The following DPP6 variants were observed in gnomAD, a reference collection of about 807,000 sequenced individuals.
DPP6 encodes A-type potassium channel modulatory protein DPP6.
In DPP6, 69 loss-of-function variants were observed where a neutral mutation model predicts 122.6. The ratio of observed to expected loss-of-function variants is 0.56; its 90% CI spans 0.46 to 0.69. The LOEUF is 0.69. Among genes scored for constraint, DPP6 ranks in the 30% least tolerant of loss-of-function variants. The pLI, the probability that DPP6 is intolerant of heterozygous loss-of-function variation, is 0.00. For synonymous variants in DPP6, 418 were observed against 433.1 expected, an observed-to-expected ratio of 0.97 and a Z score of 0.43; for missense variants, 928 against 1,116.9, an observed-to-expected ratio of 0.83 and a Z score of 2.41.
chr7:154,091,472 CCCT>C (rs1192885365), intron 1 of DPP6, among the ~76,000 whole-genome samples: 2 of 152,156 alleles, frequency 1.3e-5, no homozygotes, highest in African/African-American at 4.8e-5. Context: ...TTTCTATCAG[CCCT>C]CCTTGTAGGA....
At chr7:153,991,347 CCTT>C (rs1331145633) in intron 1 of DPP6, among the ~76,000 whole-genome samples, 2 of 151,978 alleles carry the variant, frequency 1.3e-5, no homozygotes, top group Non-Finnish European at 2.9e-5. Flanking sequence ...AGGGAAGAAA[CCTT>C]CAAGTTTCTA....
intron 17 of DPP6, among the ~76,000 whole-genome samples, chr7:154,857,821 C>T (rs908745905): frequency 6.6e-6 from 1 of 152,168 alleles, no homozygotes; most frequent in African/African-American, 2.4e-5. Context: ...ATTGTCAGGC[C>T]AGCACTTCAC....
chr7:154,263,020 G>A (rs149913696), intron 1 of DPP6, among the ~76,000 whole-genome samples: 5 of 152,312 alleles, frequency 3.3e-5, no homozygotes, highest in Non-Finnish European at 5.9e-5. Flanking sequence ...GAATTATAGC[G>A]TTACTGACTC....
chr7:154,347,401 A>T (rs1456503775), intron 1 of DPP6, among the ~76,000 whole-genome samples: 1 of 152,240 alleles, frequency 6.6e-6, no homozygotes, highest in Admixed American at 6.5e-5. Context: ...AATATTTGCA[A>T]ATCCTTTCAT....
chr7:153,797,447 C>T, the DPP6 span, among the ~76,000 whole-genome samples: 1 of 152,124 alleles, frequency 6.6e-6, no homozygotes, highest in Non-Finnish European at 1.5e-5. Context: ...CTCAATGATG[C>T]AAAAGTTCTG....
intron 1 of DPP6, among the ~76,000 whole-genome samples, chr7:154,307,374 G>A (rs193193926): frequency 1.1e-4 from 17 of 152,306 alleles, no homozygotes; most frequent in East Asian, 7.7e-4. Context: ...TGGCTACAGC[G>A]AGCAGGTGGG....
intron 1 of DPP6, among the ~76,000 whole-genome samples, chr7:154,314,441 T>C (rs1861138): frequency 0.6 from 90,947 of 152,166 alleles, 27,742 homozygotes; most frequent in East Asian, 0.74. Flanking sequence ...CATAGAATGT[T>C]TGACTTTTAA....
chr7:154,148,654 G>A (rs1482853708), intron 1 of DPP6, among the ~76,000 whole-genome samples: 8 of 152,296 alleles, frequency 5.3e-5, no homozygotes, highest in African/African-American at 1.2e-4. Context: ...CTACTAGAAG[G>A]CTTTAATTTT....
chr7:153,900,994 A>G (rs1437323067), intron 1 of DPP6, among the ~76,000 whole-genome samples: 2 of 152,190 alleles, frequency 1.3e-5, no homozygotes, highest in African/African-American at 4.8e-5. Context: ...GGGTATTTTC[A>G]TACTTTTTAA....
intron 12 of DPP6, among the ~76,000 whole-genome samples, chr7:154,799,851 A>G (rs1798249861): frequency 6.6e-6 from 1 of 152,238 alleles, no homozygotes; most frequent in Non-Finnish European, 1.5e-5. Flanking sequence ...GCACTTTGTC[A>G]CTAAAAATAC....
chr7:153,805,565 C>G, the DPP6 span, among the ~76,000 whole-genome samples: 8 of 152,086 alleles, frequency 5.3e-5, no homozygotes, highest in Non-Finnish European at 8.8e-5. Flanking sequence ...GGTATATACC[C>G]AGTAATGGGA....
chr7:154,867,371 C>T (rs1803974861), intron 17 of DPP6, among the ~76,000 whole-genome samples: 1 of 152,186 alleles, frequency 6.6e-6, no homozygotes, highest in Non-Finnish European at 1.5e-5. Flanking sequence ...CGCATCCACA[C>T]CACAGGGCAG....
At chr7:154,800,455 A>C (rs1798293259) in intron 12 of DPP6, among the ~76,000 whole-genome samples, 2 of 152,218 alleles carry the variant, frequency 1.3e-5, no homozygotes, top group Admixed American at 1.3e-4. Flanking sequence ...AAACTTTCAA[A>C]CTTGGGCTTC....
chr7:153,989,234 TCA>T (rs1390980428), intron 1 of DPP6, among the ~76,000 whole-genome samples: 2 of 128,292 alleles, frequency 1.6e-5, no homozygotes, highest in African/African-American at 2.9e-5. Flanking sequence ...TGTGAGCGTG[TCA>T]CAGTGTGTGT....
chr7:154,470,661 T>C (rs1320946123), intron 2 of DPP6, among the ~76,000 whole-genome samples: 1 of 152,192 alleles, frequency 6.6e-6, no homozygotes, highest in East Asian at 1.9e-4. Flanking sequence ...AAAGAGTAAC[T>C]ACATCACTGC....
the DPP6 span, among the ~76,000 whole-genome samples, chr7:153,818,019 A>C: frequency 2.6e-5 from 4 of 152,074 alleles, no homozygotes; most frequent in African/African-American, 9.7e-5. Flanking sequence ...CCCATAGAAC[A>C]AAAGTTTGTC....
At chr7:154,785,805 T>G (rs11243316) in intron 10 of DPP6, among the ~76,000 whole-genome samples, 37,703 of 152,244 alleles carry the variant, frequency 0.25, 5,307 homozygotes, top group East Asian at 0.39. Flanking sequence ...ATGATAGAGC[T>G]AAGGAGTGCC....
intron 7 of DPP6, among the ~76,000 whole-genome samples, chr7:154,676,628 A>T (rs1838929373): frequency 6.6e-6 from 1 of 152,264 alleles, no homozygotes; most frequent in Admixed American, 6.5e-5. Context: ...AGCCTGTGGC[A>T]GTTGTGGCTC....
the DPP6 span, among the ~76,000 whole-genome samples, chr7:153,837,010 C>G: frequency 1.3e-5 from 2 of 152,214 alleles, no homozygotes; most frequent in African/African-American, 2.4e-5. Flanking sequence ...GCCTACATCC[C>G]AGGCGGAGGG....
Sources: allele counts gnomAD v4.1 joint callset (sites outside exome capture counted in the v4.1 genomes callset), GRCh38; gene constraint gnomAD v4.1.1; transcripts MANE v1.5; gene names NCBI Gene and HGNC (gene_info 2026-07-23, HGNC 2026-07-21).